Variants in ADAMTS19 observed in about 807,000 individuals in gnomAD.
The protein encoded by ADAMTS19 is ADAM metallopeptidase with thrombospondin type 1 motif 19.
In ADAMTS19, 93 loss-of-function variants were observed where a neutral mutation model predicts 153.3. The ratio of observed to expected loss-of-function variants is 0.61; its 90% confidence interval spans 0.51 to 0.72. ADAMTS19 has a LOEUF of 0.72. ADAMTS19 is among the 30% of genes least tolerant of loss of function. The pLI, the probability that ADAMTS19 is intolerant of heterozygous loss-of-function variation, is 0.00. For synonymous variants in ADAMTS19, 600 were observed against 556.6 expected (o/e 1.08, Z -1.10); for missense variants, 1,482 against 1,552.1 (o/e 0.95, Z 0.76).
chr5:129,559,035 G>A (rs1753410453), intron 7 of ADAMTS19, among the ~76,000 whole-genome samples: 1 of 152,006 alleles, frequency 6.6e-6, no homozygotes. Flanking sequence ...GTGAACAAAA[G>A]CAAGCTTCTG....
intron 16 of ADAMTS19, among the ~76,000 whole-genome samples, chr5:129,669,839 T>C (rs1286107299): frequency 2.0e-5 from 3 of 152,210 alleles, no homozygotes; most frequent in East Asian, 3.9e-4. Flanking sequence ...GTTGCATTGG[T>C]TGTTAGTGTG....
At chr5:129,562,627 CGT>C in intron 7 of ADAMTS19, among the ~76,000 whole-genome samples, 1 of 151,934 alleles carries the variant, frequency 6.6e-6, no homozygotes, top group East Asian at 1.9e-4. Context: ...TCAGTGTTTA[CGT>C]GTGTGTGTGC....
chr5:129,643,204 C>T (rs2127027409), intron 11 of ADAMTS19, among the ~76,000 whole-genome samples: 1 of 151,152 alleles, frequency 6.6e-6, no homozygotes, highest in Admixed American at 6.6e-5. Flanking sequence ...TATTTTCAAA[C>T]TCATAAAATT....
At chr5:129,592,669 CT>C in intron 7 of ADAMTS19, among the ~76,000 whole-genome samples, 1 of 152,216 alleles carries the variant, frequency 6.6e-6, no homozygotes, top group South Asian at 2.1e-4. Context: ...AAGATTCTGA[CT>C]TTACACTTGA....
At position 129,736,357 on chromosome 5, in the gene ADAMTS19, A is replaced by G. The variant is rs150731393; in HGVS notation, c.3491-710A>G. On this transcript the variant is annotated intron_variant, in intron 22 of 22. Coordinates refer to ENST00000274487, the MANE Select transcript of ADAMTS19 (RefSeq NM_133638.6). The stretch of plus-strand genomic sequence containing the variant: ...AGGTGTTTAAAAATAGAATAATTAT[A>G]TTAGAATACGATTCATTCTCATATG... 6.5e-4 allele frequency among the ~76,000 whole-genome samples: 99 copies of G among 152,266 alleles called. 1 individual carries two copies. In the East Asian group the frequency reaches 9.1e-3, roughly 14 times the overall value.
intron 3 of ADAMTS19, among the ~76,000 whole-genome samples, chr5:129,511,156 G>T (rs753792574): frequency 3.3e-5 from 5 of 151,800 alleles, no homozygotes; most frequent in Non-Finnish European, 5.9e-5. Context: ...TGATAATGTT[G>T]CAGTATTTGA....
intron 18 of ADAMTS19, among the ~76,000 whole-genome samples, chr5:129,692,429 A>C (rs979104504): frequency 2.6e-5 from 4 of 151,972 alleles, no homozygotes; most frequent in African/African-American, 7.2e-5. Flanking sequence ...CACTGCTGTG[A>C]TTAAGTCTGA....
chr5:129,479,998 C>T (rs1750356485), intron 2 of ADAMTS19, among the ~76,000 whole-genome samples: 6 of 151,900 alleles, frequency 3.9e-5, no homozygotes, highest in Non-Finnish European at 8.8e-5. Flanking sequence ...TTAGAAAAGC[C>T]AAAACAATTC....
chr5:129,460,311 T>C lies in ADAMTS19; in HGVS notation c.-81T>C, dbSNP rs1749598692. 4.0e-6 allele frequency: 4 copies of C among 999,138 alleles called. No homozygotes were observed. Among genetic ancestry groups the C allele is most frequent in the African/African-American group, 3.7e-5 (2 of 53,744 alleles). The allele number at this position is 999,138 out of a possible 1,614,324, so 61.9% of individuals were successfully genotyped here. A position where few individuals can be genotyped will look rare whatever the true frequency, so the allele number is the denominator to read the frequency against. On this transcript the variant is annotated 5_prime_UTR_variant, in exon 1 of 23. Coordinates refer to ENST00000274487, the MANE Select transcript of ADAMTS19 (RefSeq NM_133638.6). ...AATTCGCCGCCCGGCCTCCTAGCGC[T>C]CCGGGGAGGCCGCTGCGCCCCGGAG...
chr5:129,679,683 T>G (rs1754709166), intron 16 of ADAMTS19, 81 bp from the exon 17 acceptor site: 2 of 1,275,368 alleles, frequency 1.6e-6, no homozygotes, highest in Non-Finnish European at 2.1e-6. Flanking sequence ...ATGGACTAGT[T>G]TTAACAAAAT....
chr5:129,651,209 G>A (rs545949621), intron 13 of ADAMTS19, among the ~76,000 whole-genome samples: 9 of 152,094 alleles, frequency 5.9e-5, no homozygotes, highest in Admixed American at 4.6e-4. Flanking sequence ...ATGAGTTTAC[G>A]TCTTCAACTA....
At chr5:129,554,803 T>C (rs1250099591) in intron 7 of ADAMTS19, among the ~76,000 whole-genome samples, 1 of 152,134 alleles carries the variant, frequency 6.6e-6, no homozygotes, top group African/African-American at 2.4e-5. Flanking sequence ...AAGAAAAATA[T>C]GGCGCAATAT....
At chr5:129,702,941 A>AAAAAAATATATATATATATATATATATAT in intron 20 of ADAMTS19, among the ~76,000 whole-genome samples, 1 of 29,312 alleles carries the variant, frequency 3.4e-5, no homozygotes, top group African/African-American at 8.5e-5. Flanking sequence ...AAAAAAAAAA[A>AAAAAAATATATATATATATATATATATAT]ATATATATAT....
At chr5:129,508,689 CTG>C (rs199621376) in intron 2 of ADAMTS19, among the ~76,000 whole-genome samples, 1,986 of 152,166 alleles carry the variant, frequency 0.013, 41 homozygotes, top group African/African-American at 0.045. Context: ...TAAATAATGA[CTG>C]TCAAAAATTT....
At chr5:129,707,308 T>G (rs1442875841) in intron 21 of ADAMTS19, among the ~76,000 whole-genome samples, 1 of 152,230 alleles carries the variant, frequency 6.6e-6, no homozygotes, top group Non-Finnish European at 1.5e-5. Context: ...CTTGTTGGCC[T>G]GTTTGTTTCT....
chr5:129,642,815 A>G lies in ADAMTS19; in HGVS notation c.1872+855A>G, dbSNP rs539369352. Reference sequence around the variant, plus strand: ...TTAGGTGGAGTTTTATTTTAAAAACATATCGATTTGAAAAATGGACAGAAA... The same window carrying G: ...TTAGGTGGAGTTTTATTTTAAAAACGTATCGATTTGAAAAATGGACAGAAA... On this transcript the variant is annotated intron_variant, in intron 11 of 22. Transcript: ENST00000274487. 7.1e-4 allele frequency among the ~76,000 whole-genome samples: 107 copies of G among 150,428 alleles called. 1 individual carries two copies. The highest frequency in any genetic ancestry group is 7.5e-4 in the Non-Finnish European group (51 of 67,808).
At chr5:129,650,299 TC>T (rs1425434176) in intron 13 of ADAMTS19, among the ~76,000 whole-genome samples, 1 of 152,144 alleles carries the variant, frequency 6.6e-6, no homozygotes, top group Non-Finnish European at 1.5e-5. Flanking sequence ...CTCTCTTTTC[TC>T]CCCTTAGTCA....
intron 3 of ADAMTS19, 39 bp downstream of exon 3, chr5:129,509,281 C>T: frequency 6.4e-7 from 1 of 1,565,046 alleles, no homozygotes; most frequent in African/African-American, 1.4e-5. Context: ...AGTAAATATT[C>T]AATGTGAGAT....
chr5:129,638,799 A>C (rs1290055684), intron 10 of ADAMTS19, among the ~76,000 whole-genome samples: 2 of 152,154 alleles, frequency 1.3e-5, no homozygotes, highest in Admixed American at 1.3e-4. Context: ...AAATTGTCTT[A>C]TTTTAACATA....
Sources: gnomAD v4.1 joint callset for allele counts (sites outside exome capture counted in the v4.1 genomes callset) on GRCh38, gnomAD v4.1.1 for gene constraint, MANE v1.5 for transcripts, NCBI Gene and HGNC (gene_info 2026-07-23, HGNC 2026-07-21) for gene names.